Variants in AACS observed in about 807,000 individuals in gnomAD.
AACS encodes the protein acetoacetate-CoA ligase.
Under a neutral mutation model 83.1 loss-of-function variants are expected in AACS, and 69 were observed. That is an observed-to-expected ratio of 0.83 (90% CI 0.68 to 1.01). The LOEUF (loss-of-function observed/expected upper bound fraction) is 1.01, where lower values mean the gene tolerates loss of function less well. Among genes scored for constraint, AACS ranks in the 50% least tolerant of loss-of-function variants. The pLI, the probability that AACS is intolerant of heterozygous loss-of-function variation, is 0.00. For missense variants in AACS, 866 were observed against 882.2 expected, an observed-to-expected ratio of 0.98 and a Z score of 0.23; for synonymous variants, 333 against 343.4, an observed-to-expected ratio of 0.97 and a Z score of 0.33.
chr12:125,124,505 TAAAG>T (rs1287848997), intron 10 of AACS, 196 bp from the exon 11 acceptor site: 12 of 611,242 alleles, frequency 2.0e-5, no homozygotes, highest in Non-Finnish European at 2.9e-6. Context: ...GAAATCAGTG[TAAAG>T]AGCAGTCAGG....
At chr12:125,131,782 G>A (rs577609037) in intron 14 of AACS, among the ~76,000 whole-genome samples, 6 of 151,778 alleles carry the variant, frequency 4.0e-5, no homozygotes, top group South Asian at 2.1e-4. Context: ...TATTTTTAGC[G>A]GAGACGGTGT....
intron 5 of AACS, among the ~76,000 whole-genome samples, chr12:125,100,495 C>G (rs1956689986): frequency 6.6e-6 from 1 of 152,234 alleles, no homozygotes; most frequent in African/African-American, 2.4e-5. Flanking sequence ...TGTCTGGTTC[C>G]CTGGCACGGT....
chr12:125,098,298 C>T (rs918907096), intron 5 of AACS, among the ~76,000 whole-genome samples: 8 of 151,918 alleles, frequency 5.3e-5, no homozygotes, highest in African/African-American at 1.9e-4. Context: ...GGTGTGGTGG[C>T]ACACAGCCTG....
At chr12:125,089,324 G>A (rs1047260511) in intron 4 of AACS, among the ~76,000 whole-genome samples, 4 of 152,138 alleles carry the variant, frequency 2.6e-5, no homozygotes, top group African/African-American at 9.7e-5. Context: ...ACTGCAGGGG[G>A]GAGAAGGAGG....
chr12:125,107,521 G>C (rs757127080), intron 8 of AACS, among the ~76,000 whole-genome samples: 1 of 152,242 alleles, frequency 6.6e-6, no homozygotes, highest in Admixed American at 6.5e-5. Context: ...ACTGTACAGC[G>C]CGGTGTGCCT....
intron 1 of AACS, among the ~76,000 whole-genome samples, chr12:125,072,551 T>C (rs1955899126): frequency 6.6e-6 from 1 of 152,216 alleles, no homozygotes; most frequent in South Asian, 2.1e-4. Context: ...AGTCTCTGCC[T>C]TCCTGGAGCC....
intron 3 of AACS, among the ~76,000 whole-genome samples, chr12:125,078,874 G>C (rs1956095947): frequency 6.8e-6 from 1 of 147,872 alleles, no homozygotes; most frequent in Non-Finnish European, 1.5e-5. Context: ...CAAGCTGCCT[G>C]CCCTGGGAGA....
chr12:125,072,919 GTTTTTTTTTT>G (rs200182531), intron 1 of AACS, among the ~76,000 whole-genome samples: 5 of 90,416 alleles, frequency 5.5e-5, no homozygotes, highest in South Asian at 4.3e-4. Flanking sequence ...TGTAACTTTT[GTTTTTTTTTT>G]TTTTTTTTTT....
intron 9 of AACS, chr12:125,118,425 G>T (rs1409818196): frequency 1.0e-5 from 6 of 587,106 alleles, no homozygotes; most frequent in Non-Finnish European, 1.5e-5. Context: ...CAGACATTCT[G>T]TGACACATCT....
intron 7 of AACS, among the ~76,000 whole-genome samples, chr12:125,103,746 T>C (rs994238278): frequency 6.6e-5 from 10 of 152,050 alleles, no homozygotes; most frequent in Non-Finnish European, 1.2e-4. Flanking sequence ...CCCAGCACTT[T>C]GGGAGGCCGA....
intron 3 of AACS, among the ~76,000 whole-genome samples, chr12:125,077,227 T>G (rs572856672): frequency 2.1e-3 from 327 of 152,102 alleles, no homozygotes; most frequent in Non-Finnish European, 3.7e-3. Flanking sequence ...CTGTGCAGCT[T>G]TTAAAAATTT....
chr12:125,110,189 TTG>T lies in AACS; in HGVS notation c.915+2981_915+2982del, dbSNP rs59856503. 6.8e-3 allele frequency among the ~76,000 whole-genome samples: 812 copies of T among 118,904 alleles called. 5 individuals are homozygous for T. Among genetic ancestry groups the T allele is most frequent in the African/African-American group, 0.017 (496 of 29,276 alleles). 78.0% of individuals were successfully genotyped at this position (118,904 alleles called of 152,430 possible). Reference sequence around the variant, plus strand: ...CGCCCGCGACCACGGCCGGCTAAGTTTGTGTGTGTGTGTGTGTGTGTGTGTGT... The same window carrying T: ...CGCCCGCGACCACGGCCGGCTAAGTTTGTGTGTGTGTGTGTGTGTGTGTGT... On this transcript the variant is annotated intron_variant, in intron 8 of 17. Transcript: ENST00000316519.
intron 12 of AACS, 86 bp from the exon 13 acceptor site, chr12:125,128,075 G>A (rs1957273547): frequency 1.1e-6 from 1 of 951,602 alleles, no homozygotes; most frequent in Admixed American, 2.4e-5. Context: ...TTGTCCTCTT[G>A]GCACCTTCTC....
At chr12:125,119,675 C>G (rs1439849234) in intron 10 of AACS, among the ~76,000 whole-genome samples, 1 of 152,220 alleles carries the variant, frequency 6.6e-6, no homozygotes, top group Non-Finnish European at 1.5e-5. Context: ...ATTCAATTAC[C>G]TCCCACTGGG....
At chr12:125,125,069 C>T in intron 12 of AACS, 45 bp downstream of exon 12, 2 of 1,612,534 alleles carry the variant, frequency 1.2e-6, no homozygotes, top group Non-Finnish European at 1.7e-6. Flanking sequence ...CCCCGCCGGC[C>T]CCATAAGTAT....
intron 5 of AACS, among the ~76,000 whole-genome samples, chr12:125,096,088 C>T (rs1956600982): frequency 6.6e-6 from 1 of 152,248 alleles, no homozygotes; most frequent in African/African-American, 2.4e-5. Context: ...CCTTAGCCTC[C>T]CAAGTAGCTG....
intron 5 of AACS, among the ~76,000 whole-genome samples, chr12:125,093,821 T>C (rs1024579449): frequency 7.9e-5 from 12 of 152,234 alleles, no homozygotes; most frequent in African/African-American, 2.9e-4. Context: ...GGGGTGTGTG[T>C]GACGCACGTT....
chr12:125,081,565 T>G (rs1956186252), intron 3 of AACS, among the ~76,000 whole-genome samples: 1 of 152,184 alleles, frequency 6.6e-6, no homozygotes, highest in Non-Finnish European at 1.5e-5. Flanking sequence ...ATCTCTCCTA[T>G]GGGTAATCCC....
intron 4 of AACS, among the ~76,000 whole-genome samples, chr12:125,087,008 C>T (rs927956175): frequency 1.3e-5 from 2 of 152,000 alleles, no homozygotes; most frequent in African/African-American, 4.8e-5. Flanking sequence ...AGGCAGCAAG[C>T]AGGAGGCGTC....
Sources: gnomAD v4.1 joint callset for allele counts (sites outside exome capture counted in the v4.1 genomes callset) on GRCh38, gnomAD v4.1.1 for gene constraint, MANE v1.5 for transcripts, NCBI Gene and HGNC (gene_info 2026-07-23, HGNC 2026-07-21) for gene names.